The following UTP25 variants were observed in gnomAD, a reference collection of about 807,000 sequenced individuals.
UTP25 encodes the protein UTP25 small subunit processome component, also known as U3 small nucleolar RNA-associated protein 25 homolog.
In UTP25, 50 loss-of-function variants were observed where a neutral mutation model predicts 78.9. The observed-to-expected ratio is 0.63, with a 90% CI of 0.50 to 0.80. The LOEUF (loss-of-function observed/expected upper bound fraction) is 0.80. Ranked by LOEUF, UTP25 falls within the 30% of genes least tolerant of loss-of-function variation. The pLI, the probability that UTP25 is intolerant of heterozygous loss-of-function variation, is 0.00. For missense variants in UTP25, 846 were observed against 911.3 expected (o/e 0.93, Z 0.92); for synonymous variants, 329 against 336.5 (o/e 0.98, Z 0.24).
intron 5 of UTP25, among the ~76,000 whole-genome samples, chr1:209,835,661 A>C (rs2078129058): frequency 6.6e-6 from 1 of 152,102 alleles, no homozygotes; most frequent in South Asian, 2.1e-4. Flanking sequence ...CTTTGTTCTT[A>C]CCACTGATGC....
At chr1:209,836,194 C>T (rs1406818030) in intron 5 of UTP25, among the ~76,000 whole-genome samples, 1 of 152,042 alleles carries the variant, frequency 6.6e-6, no homozygotes, top group African/African-American at 2.4e-5. Flanking sequence ...GAGAGTCATC[C>T]AAGTTATTTC....
At chr1:209,829,719 C>T (rs1004917898) in intron 1 of UTP25, among the ~76,000 whole-genome samples, 1 of 152,108 alleles carries the variant, frequency 6.6e-6, no homozygotes, top group Non-Finnish European at 1.5e-5. Context: ...CTCCTGGGCT[C>T]AAGTGATTCT....
rs571814599 is a variant in UTP25, at chr1:209,837,350, G to T, written c.1062+139G>T. 2.4e-4 allele frequency: 238 copies of T among 981,678 alleles called. 1 individual carries two copies. In the African/African-American group the frequency reaches 3.3e-3, roughly 14 times the overall value. The allele number at this position is 981,678 out of a possible 1,614,324, so 60.8% of individuals were successfully genotyped here. A position where few individuals can be genotyped will look rare whatever the true frequency, so the allele number is the denominator to read the frequency against. ...ATGAGCCCAAATGTGAGCATATTAA[G>T]TAGGCCAGGTAGTGTCAGAGCAGCA... is the stretch of plus-strand genomic sequence containing the variant. On this transcript the variant is annotated intron_variant, in intron 6 of 11. Transcript: ENST00000491415.
At chr1:209,837,532 C>A (rs536967502) in intron 6 of UTP25, among the ~76,000 whole-genome samples, 1 of 152,248 alleles carries the variant, frequency 6.6e-6, no homozygotes, top group East Asian at 1.9e-4. Context: ...CTGGATGGGA[C>A]CTTAATGAGC....
rs1558060602 is a variant in UTP25, at chr1:209,856,979, GTA to G, written c.*5534_*5535del. ...CCACCTGTTTCTCATCTCTTCTAGT[GTA>G]TGTCAAAGCTAAATTAGGTCAAATA... On this transcript the variant is annotated 3_prime_UTR_variant, in exon 12 of 12. Transcript: ENST00000491415. 2 of 152,218 alleles carry G rather than the reference GTA, an allele frequency of 1.3e-5. No individual in the cohort carries two copies. The highest frequency in any genetic ancestry group is 2.9e-5 in the Non-Finnish European group (2 of 68,036). 9.4% of individuals were successfully genotyped at this position (152,218 alleles called of 1,614,324 possible).
Position 209,836,756 on chromosome 1 carries a change from C to T in UTP25, c.652-45C>T, listed in dbSNP as rs767337332. On this transcript the variant is annotated intron_variant, in intron 5 of 11. Transcript: ENST00000491415. ...TATAGTACTATGTGAATGTAATTTA[C>T]TGTTATTCATTTCTAATTTGGCTCT... 3.9e-6 allele frequency: 6 copies of T among 1,536,592 alleles called. No homozygotes were observed. In the Admixed American group the frequency reaches 1.1e-4, roughly 28 times the overall value.
Position 209,855,158 on chromosome 1 carries a change from G to A in UTP25, c.*3711G>A. The A allele has an allele frequency of 6.6e-6, 1 of 152,262 alleles. No individual in the cohort carries two copies. Among genetic ancestry groups the A allele is most frequent in the Non-Finnish European group, 1.5e-5 (1 of 68,036 alleles). The allele number at this position is 152,262 out of a possible 1,614,324, so 9.4% of individuals were successfully genotyped here. On this transcript the variant is annotated 3_prime_UTR_variant, in exon 12 of 12. Transcript: ENST00000491415. ...TCTGGGCTTGGTCATTTCCTCCCAA[G>A]CAAACCCCGCGACGTTCAGCCGTCT...
At position 209,838,904 on chromosome 1, in the gene UTP25, C is replaced by T. The variant is rs1558053821; in HGVS notation, c.1063-5C>T. 1.9e-6 allele frequency: 3 copies of T among 1,613,994 alleles called. No individual in the cohort carries two copies. The highest frequency in any genetic ancestry group is 2.5e-6 in the Non-Finnish European group (3 of 1,179,912). ...CCACTAAGGCTGCTGTTGCTGTCTGCACAGGTACTGATAGTGGTGCCATTC... is the reference window on the plus strand; with the variant it reads ...CCACTAAGGCTGCTGTTGCTGTCTGTACAGGTACTGATAGTGGTGCCATTC... On this transcript the variant is annotated splice_polypyrimidine_tract_variant and splice_region_variant and intron_variant, in intron 6 of 11. Transcript: ENST00000491415.
chr1:209,845,756 G>A (rs2078193407), intron 11 of UTP25, among the ~76,000 whole-genome samples: 1 of 151,230 alleles, frequency 6.6e-6, no homozygotes, highest in Admixed American at 6.6e-5. Context: ...TTTTTTGCTC[G>A]AGAGATCACC....
chr1:209,835,268 T>G, intron 5 of UTP25, 105 bp downstream of exon 5: 1 of 908,352 alleles, frequency 1.1e-6, no homozygotes, highest in Non-Finnish European at 1.7e-6. Context: ...ACACCTGCAG[T>G]AGATGGCTTG....
chr1:209,847,541 T>C (rs969784162), intron 11 of UTP25, among the ~76,000 whole-genome samples: 2 of 152,240 alleles, frequency 1.3e-5, no homozygotes, highest in African/African-American at 4.8e-5. Context: ...TACCTGATGT[T>C]ACTACAGTAA....
rs1458043411 is a variant in UTP25, at chr1:209,854,223, T to C, written c.*2776T>C. On this transcript the variant is annotated 3_prime_UTR_variant, in exon 12 of 12. Coordinates refer to ENST00000491415, the MANE Select transcript of UTP25 (RefSeq NM_014388.7). ...AGGATGGTCCCAATCCTGGAAACAG[T>C]GGAATTAAAAGGTATGGAAAGGAAC... The C allele has an allele frequency of 1.3e-5, 2 of 152,090 alleles. No individual in the cohort carries two copies. The highest frequency in any genetic ancestry group is 2.1e-4 in the South Asian group (1 of 4,820). 9.4% of individuals were successfully genotyped at this position (152,090 alleles called of 1,614,324 possible). A position where few individuals can be genotyped will look rare whatever the true frequency, so the allele number is the denominator to read the frequency against.
rs755721451 is a variant in UTP25, at chr1:209,836,766, T to C, written c.652-35T>C. On this transcript the variant is annotated intron_variant, in intron 5 of 11. Transcript: ENST00000491415. ...TGTGAATGTAATTTACTGTTATTCA[T>C]TTCTAATTTGGCTCTTGATCTGTTT... 3.2e-6 allele frequency: 5 copies of C among 1,548,806 alleles called. No individual in the cohort carries two copies. The East Asian group carries it at 1.1e-4, about 35-fold the overall frequency.
intron 6 of UTP25, among the ~76,000 whole-genome samples, chr1:209,838,475 C>T (rs957251588): frequency 2.6e-5 from 4 of 152,242 alleles, no homozygotes; most frequent in Middle Eastern, 3.4e-3. Context: ...TTCTTCTCTA[C>T]TTGTTCCATT....
chr1:209,830,019 T>G (rs2078093918), intron 1 of UTP25, 89 bp from the exon 2 acceptor site: 8 of 1,139,190 alleles, frequency 7.0e-6, no homozygotes, highest in Non-Finnish European at 1.0e-5. Flanking sequence ...AATGTTATAT[T>G]CTGCCTTTTT....
In UTP25 at chr1:209,835,198, A is replaced by G. The variant is rs769842745; in HGVS notation, c.651+35A>G. ...GCTTGGTCATCCCGGTCACAAATAG[A>G]GAAAGCTCTAAATAAAACAGTGGTC... On this transcript the variant is annotated intron_variant, in intron 5 of 11. Coordinates refer to ENST00000491415, the MANE Select transcript of UTP25 (RefSeq NM_014388.7). The G allele has an allele frequency of 6.3e-6, 10 of 1,580,304 alleles. No individual in the cohort carries two copies. The South Asian group carries it at 8.9e-5, about 14-fold the overall frequency.
chr1:209,836,738 C>A, intron 5 of UTP25, 63 bp from the exon 6 acceptor site: 1 of 1,511,558 alleles, frequency 6.6e-7, no homozygotes, highest in Non-Finnish European at 8.9e-7. Flanking sequence ...AAATATAGTA[C>A]TATGTGAATG....
rs148499748 is a variant in UTP25 at position 209,840,953 on chromosome 1, A to G, written c.1383A>G (p.Gly461=). ...TGGGCTTGAGGACCATCATTGGTGG[A>G]GAAGGAGAGAAGAAGAGAGATTTTG... ...SPLGLRTIIG[G]EGEKKRDFDF... is the part of the protein sequence containing the mutation. The change falls in exon 8 of 12, where the codon GGA becomes GGG. Residue 461 remains glycine (G), a synonymous_variant. Coordinates refer to ENST00000491415, the MANE Select transcript of UTP25 (RefSeq NM_014388.7). 93 of 1,614,094 alleles carry G rather than the reference A, an allele frequency of 5.8e-5. No homozygotes were observed. In the African/African-American group the frequency reaches 1.1e-3, roughly 18 times the overall value.
chr1:209,848,473 T>C (rs1172453161), intron 11 of UTP25, among the ~76,000 whole-genome samples: 1 of 152,202 alleles, frequency 6.6e-6, no homozygotes, highest in Non-Finnish European at 1.5e-5. Flanking sequence ...AGGGGTTTTT[T>C]TTCTGTTTTC....
Sources: gnomAD v4.1 joint callset for allele counts (sites outside exome capture counted in the v4.1 genomes callset) on GRCh38, gnomAD v4.1.1 for gene constraint, MANE v1.5 for transcripts, NCBI Gene and HGNC (gene_info 2026-07-23, HGNC 2026-07-21) for gene names.